The following CSGALNACT1 variants were observed in gnomAD, a reference collection of about 807,000 sequenced individuals.
The protein encoded by CSGALNACT1 is beta4GalNAcT-1.
A neutral mutation model predicts 51.0 loss-of-function variants in CSGALNACT1; 52 were observed. That is an observed-to-expected ratio of 1.02 (90% confidence interval 0.82 to 1.29). The LOEUF is 1.29. Among genes scored for constraint, CSGALNACT1 ranks in the 50% most tolerant of loss-of-function variants. The pLI, the probability that CSGALNACT1 is intolerant of heterozygous loss-of-function variation, is 0.00. For synonymous variants in CSGALNACT1, 341 were observed against 254.4 expected, an observed-to-expected ratio of 1.34 and a Z score of -3.24; for missense variants, 935 against 679.2, an observed-to-expected ratio of 1.38 and a Z score of -4.19.
intron 1 of CSGALNACT1, among the ~76,000 whole-genome samples, chr8:19,722,584 G>A (rs1402242599): frequency 6.6e-6 from 1 of 152,192 alleles, no homozygotes; most frequent in African/African-American, 2.4e-5. Context: ...GTGGTTACTG[G>A]AGAAGGGGAC....
At chr8:19,497,362 C>T (rs886976158) in intron 4 of CSGALNACT1, among the ~76,000 whole-genome samples, 1 of 152,134 alleles carries the variant, frequency 6.6e-6, no homozygotes, top group African/African-American at 2.4e-5. Flanking sequence ...CTACCCCAAA[C>T]ACAAGGTATC....
intron 1 of CSGALNACT1, among the ~76,000 whole-genome samples, chr8:19,738,656 A>T (rs1345610343): frequency 6.6e-6 from 1 of 152,216 alleles, no homozygotes; most frequent in African/African-American, 2.4e-5. Flanking sequence ...TTTTACCATG[A>T]TAAAAAAATT....
intron 3 of CSGALNACT1, among the ~76,000 whole-genome samples, chr8:19,510,485 T>G (rs1310016090): frequency 2.0e-5 from 3 of 152,148 alleles, no homozygotes; most frequent in Non-Finnish European, 2.9e-5. Flanking sequence ...CACTAAGCAC[T>G]TAGTATGTTC....
chr8:19,480,742 G>C (rs1334389326), intron 4 of CSGALNACT1, among the ~76,000 whole-genome samples: 1 of 152,170 alleles, frequency 6.6e-6, no homozygotes, highest in Non-Finnish European at 1.5e-5. Context: ...TGTATTTACA[G>C]ACAAGGGCTC....
At chr8:19,426,211 C>A (rs2058753858) in intron 6 of CSGALNACT1, among the ~76,000 whole-genome samples, 1 of 152,202 alleles carries the variant, frequency 6.6e-6, no homozygotes, top group African/African-American at 2.4e-5. Context: ...GAGGAGGGTG[C>A]TGCATGGAGA....
intron 3 of CSGALNACT1, among the ~76,000 whole-genome samples, chr8:19,521,336 G>C (rs1204061827): frequency 1.3e-5 from 2 of 152,096 alleles, no homozygotes; most frequent in Admixed American, 1.3e-4. Context: ...CAGCACTAAA[G>C]ACAGAGGAAG....
chr8:19,624,380 A>G (rs1009635946), intron 1 of CSGALNACT1, among the ~76,000 whole-genome samples: 1 of 152,242 alleles, frequency 6.6e-6, no homozygotes, highest in Non-Finnish European at 1.5e-5. Context: ...AACTGCTTAC[A>G]TGTCTTTATG....
At chr8:19,642,500 G>A (rs2056838935) in intron 1 of CSGALNACT1, among the ~76,000 whole-genome samples, 1 of 152,194 alleles carries the variant, frequency 6.6e-6, no homozygotes. Flanking sequence ...GCTGAGAGTA[G>A]TGGCTCATGC....
In CSGALNACT1 at chr8:19,757,363, C is replaced by CAACAGCGGCCAAGCCT. The variant is rs1381811611; in HGVS notation, c.-297+471_-297+486dup. 6.6e-6 allele frequency: 1 copy of CAACAGCGGCCAAGCCT among 151,334 alleles called. No homozygotes were observed. The highest frequency in any genetic ancestry group is 1.5e-5 in the Non-Finnish European group (1 of 67,460). The allele number at this position is 151,334 out of a possible 1,614,324, so 9.4% of individuals were successfully genotyped here. A position where few individuals can be genotyped will look rare whatever the true frequency, so the allele number is the denominator to read the frequency against. On this transcript the variant is annotated intron_variant, in intron 1 of 1. Transcript: ENST00000517494. This position sits in a 1 kb window ranked among gnomAD's most constrained non-coding sequence, Gnocchi z 4.0. ...CGGCGGCGGCTCGGGCGGGCGGGCG[C>CAACAGCGGCCAAGCCT]AACAGCGGCCAAGCCTGGCGCCCCG...
intron 4 of CSGALNACT1, among the ~76,000 whole-genome samples, chr8:19,489,277 T>G (rs985922937): frequency 6.6e-6 from 1 of 152,166 alleles, no homozygotes; most frequent in African/African-American, 2.4e-5. Flanking sequence ...TAGGGAAGAA[T>G]GAAATAGTCA....
Position 19,589,229 on chromosome 8 carries a change from T to C in CSGALNACT1, c.-297+1931A>G, listed in dbSNP as rs149395009. Among the ~76,000 whole-genome samples the C allele has an allele frequency of 4.7e-3, 710 of 152,348 alleles. 6 individuals carry two copies. The highest frequency in any genetic ancestry group is 0.017 in the African/African-American group (688 of 41,584). On this transcript the variant is annotated intron_variant, in intron 3 of 9. Coordinates refer to ENST00000454498, the Ensembl canonical transcript of CSGALNACT1. ...AAAACCATCTGCCAACATCCTCTCC[T>C]CTGAAAACGTCAGACTAGGTAAAGC...
At chr8:19,591,576 G>C (rs931480563) in intron 2 of CSGALNACT1, among the ~76,000 whole-genome samples, 1 of 152,236 alleles carries the variant, frequency 6.6e-6, no homozygotes, top group Non-Finnish European at 1.5e-5. Context: ...GTAGAAAGGA[G>C]AGTTAAAGAA....
At chr8:19,728,598 C>G (rs751914628) in intron 1 of CSGALNACT1, among the ~76,000 whole-genome samples, 12 of 152,146 alleles carry the variant, frequency 7.9e-5, no homozygotes, top group African/African-American at 2.4e-4. Context: ...CACACACACT[C>G]TCATTGATTT....
At chr8:19,458,277 A>G (rs959923587) in intron 5 of CSGALNACT1, 149 bp downstream of exon 4, 1 of 812,516 alleles carries the variant, frequency 1.2e-6, no homozygotes, top group African/African-American at 1.7e-5. Flanking sequence ...GCAAATACAA[A>G]TGATAAACTT....
intron 4 of CSGALNACT1, among the ~76,000 whole-genome samples, chr8:19,466,008 C>A (rs904252486): frequency 1.9e-4 from 29 of 152,192 alleles, no homozygotes; most frequent in African/African-American, 7.0e-4. Context: ...CAGAGATAAC[C>A]CTCACACCTA....
intron 3 of CSGALNACT1, among the ~76,000 whole-genome samples, chr8:19,582,570 A>G (rs1052781960): frequency 2.0e-5 from 3 of 152,166 alleles, no homozygotes; most frequent in Non-Finnish European, 4.4e-5. Flanking sequence ...ACCCTGTCAA[A>G]GAGATTGGTT....
intron 1 of CSGALNACT1, among the ~76,000 whole-genome samples, chr8:19,736,831 G>T (rs917580004): frequency 1.3e-5 from 2 of 152,082 alleles, no homozygotes; most frequent in East Asian, 1.9e-4. Context: ...ATTGGGGAAA[G>T]AGGTTATTTT....
chr8:19,749,996 C>G (rs560311143), intron 1 of CSGALNACT1, among the ~76,000 whole-genome samples: 3 of 152,304 alleles, frequency 2.0e-5, no homozygotes, highest in East Asian at 1.9e-4. Flanking sequence ...GCTGGTGCAG[C>G]ACAGCTGAGC....
chr8:19,633,916 A>C (rs776358065), intron 1 of CSGALNACT1, among the ~76,000 whole-genome samples: 3 of 152,132 alleles, frequency 2.0e-5, no homozygotes, highest in Non-Finnish European at 4.4e-5. Flanking sequence ...ACCTTGCTGC[A>C]CTAACCTCCT....
Sources: gnomAD v4.1 joint callset for allele counts (sites outside exome capture counted in the v4.1 genomes callset) on GRCh38, gnomAD v4.1.1 for gene constraint, Gnocchi (gnomAD v3.1) non-coding constraint, MANE v1.5 for transcripts, NCBI Gene and HGNC (gene_info 2026-07-23, HGNC 2026-07-21) for gene names.